PARD3B: variants seen among roughly 807,000 people sequenced by gnomAD.
PARD3B encodes the protein par-3 family cell polarity regulator beta.
PARD3B carries 103 observed loss-of-function variants against 130.2 expected under a neutral mutation model. That is an observed-to-expected ratio of 0.79 (90% confidence interval 0.67 to 0.93). The LOEUF is 0.93. Ranked by LOEUF, PARD3B falls within the 40% of genes least tolerant of loss-of-function variation. PARD3B has a pLI of 0.00. For missense variants in PARD3B, 1,609 were observed against 1,499.2 expected, an observed-to-expected ratio of 1.07 and a Z score of -1.21; for synonymous variants, 583 against 553.2, an observed-to-expected ratio of 1.05 and a Z score of -0.76.
intron 16 of PARD3B, among the ~76,000 whole-genome samples, chr2:205,296,926 A>G (rs2041819751): frequency 6.6e-6 from 1 of 151,750 alleles, no homozygotes; most frequent in Non-Finnish European, 1.5e-5. Context: ...CAATTTTAAG[A>G]GAAAATTTGG....
chr2:204,927,899 A>C (rs1279483600), intron 2 of PARD3B, among the ~76,000 whole-genome samples: 1 of 152,158 alleles, frequency 6.6e-6, no homozygotes, highest in Admixed American at 6.5e-5. Flanking sequence ...ATATATGTAT[A>C]CTTTGTAATT....
At chr2:205,487,328 T>G (rs1437142492) in intron 20 of PARD3B, among the ~76,000 whole-genome samples, 5 of 152,190 alleles carry the variant, frequency 3.3e-5, no homozygotes, top group Non-Finnish European at 5.9e-5. Context: ...TACCCTCCAT[T>G]GGGGAAGAAA....
In PARD3B at chr2:205,461,760, C is replaced by T. The variant is rs1012190722; in HGVS notation, c.3044+21088C>T. 3.9e-5 allele frequency among the ~76,000 whole-genome samples: 6 copies of T among 152,072 alleles called. No homozygotes were observed. The highest frequency in any genetic ancestry group is 1.4e-4 in the African/African-American group (6 of 41,410). On this transcript the variant is annotated intron_variant, in intron 20 of 22. Transcript: ENST00000406610. The surrounding 1 kb of genome is among the most constrained non-coding windows in gnomAD (Gnocchi z 4.3). ...GATTCAATAGGTCTGGGGTGGGACC[C>T]TACAATTTGCATTTCTAACAAGCTG... is the stretch of plus-strand genomic sequence containing the variant.
At chr2:205,327,908 C>A (rs563660826) in intron 18 of PARD3B, among the ~76,000 whole-genome samples, 1 of 152,220 alleles carries the variant, frequency 6.6e-6, no homozygotes, top group Non-Finnish European at 1.5e-5. Flanking sequence ...CTAAGTTGAT[C>A]CTTCCAGGGT....
At chr2:204,587,719 A>G (rs902520400) in intron 1 of PARD3B, among the ~76,000 whole-genome samples, 2 of 152,150 alleles carry the variant, frequency 1.3e-5, no homozygotes, top group African/African-American at 4.8e-5. Context: ...ATCCCCTGAT[A>G]TGATTTGGCT....
In PARD3B at chr2:204,930,034, T is replaced by A. The variant is rs968327655; in HGVS notation, c.223-35118T>A. Among the ~76,000 whole-genome samples, 15 of 152,092 alleles carry A rather than the reference T, an allele frequency of 9.9e-5. No individual in the cohort carries two copies. In the East Asian group the frequency reaches 1.5e-3, roughly 16 times the overall value. On this transcript the variant is annotated intron_variant, in intron 2 of 22. Coordinates refer to ENST00000406610, the MANE Select transcript of PARD3B (RefSeq NM_001302769.2). Reference sequence around the variant, plus strand: ...AAGCCCAACTATTTTATTATTTTTTTAATAATAATTCTGTATCTTCTTGAT... The same window carrying A: ...AAGCCCAACTATTTTATTATTTTTTAAATAATAATTCTGTATCTTCTTGAT...
At chr2:205,598,668 C>A (rs114335445) in intron 22 of PARD3B, among the ~76,000 whole-genome samples, 2,009 of 152,306 alleles carry the variant, frequency 0.013, 28 homozygotes, top group Non-Finnish European at 0.018. Context: ...AATATGCATT[C>A]TTCTCATCTG....
chr2:205,588,772 G>A (rs2054284776), intron 22 of PARD3B, among the ~76,000 whole-genome samples: 1 of 152,076 alleles, frequency 6.6e-6, no homozygotes, highest in South Asian at 2.1e-4. Flanking sequence ...CTTCATCTGG[G>A]CTTTACTTGC....
intron 2 of PARD3B, among the ~76,000 whole-genome samples, chr2:204,823,110 GA>G: frequency 6.6e-6 from 1 of 152,204 alleles, no homozygotes; most frequent in Admixed American, 6.5e-5. Flanking sequence ...GGGTCTTGCA[GA>G]TTTGTTATAG....
intron 22 of PARD3B, among the ~76,000 whole-genome samples, chr2:205,565,503 A>G (rs2106531533): frequency 6.6e-6 from 1 of 152,312 alleles, no homozygotes; most frequent in South Asian, 2.1e-4. Flanking sequence ...TGGATGTGGT[A>G]TCTGTAATGT....
chr2:205,113,656 A>G (rs375822454), intron 6 of PARD3B, 79 bp downstream of exon 6: 1 of 1,051,008 alleles, frequency 9.5e-7, no homozygotes. Context: ...TATTTTTCAC[A>G]AGGAGATTAA....
At chr2:205,016,244 A>G (rs1396305117) in intron 3 of PARD3B, among the ~76,000 whole-genome samples, 1 of 152,196 alleles carries the variant, frequency 6.6e-6, no homozygotes, top group Non-Finnish European at 1.5e-5. Flanking sequence ...GGGAACTGTA[A>G]TGGCCTCCTC....
intron 1 of PARD3B, among the ~76,000 whole-genome samples, chr2:204,591,475 G>C (rs982038785): frequency 6.6e-6 from 1 of 152,198 alleles, no homozygotes. Context: ...ATTCAAATAT[G>C]AATGCCCAGT....
intron 20 of PARD3B, among the ~76,000 whole-genome samples, chr2:205,469,988 T>A (rs992263945): frequency 6.6e-6 from 1 of 152,192 alleles, no homozygotes; most frequent in African/African-American, 2.4e-5. Context: ...GAATCCTGGA[T>A]CATGCATTTT....
At chr2:205,459,236 G>A (rs2048370229) in intron 20 of PARD3B, among the ~76,000 whole-genome samples, 1 of 152,190 alleles carries the variant, frequency 6.6e-6, no homozygotes, top group South Asian at 2.1e-4. Context: ...TTTAGAATCA[G>A]TCTTGGCCTC....
intron 2 of PARD3B, among the ~76,000 whole-genome samples, chr2:204,874,519 T>G (rs75524595): frequency 0.018 from 2,724 of 152,250 alleles, 54 homozygotes; most frequent in East Asian, 0.11. Flanking sequence ...TATTTCTTAG[T>G]TTTTAAAAGA....
chr2:205,501,343 C>T (rs2110948), intron 21 of PARD3B, among the ~76,000 whole-genome samples: 66,200 of 151,946 alleles, frequency 0.44, 15,149 homozygotes, highest in South Asian at 0.6. Flanking sequence ...ATTTATTGGT[C>T]TTATTATAGA....
At position 204,998,358 on chromosome 2, in the gene PARD3B, A is replaced by ACATATATATATATATATATATG. The variant is rs1694463623; in HGVS notation, c.394+33035_394+33036insCATATATATATATATATATATG. Among the ~76,000 whole-genome samples, 8 of 69,832 alleles carry ACATATATATATATATATATATG rather than the reference A, an allele frequency of 1.1e-4. 2 individuals are homozygous for ACATATATATATATATATATATG. In the East Asian group the frequency reaches 1.5e-3, roughly 13 times the overall value. The allele number at this position is 69,832 out of a possible 152,430, so 45.8% of individuals were successfully genotyped here. A position where few individuals can be genotyped will look rare whatever the true frequency, so the allele number is the denominator to read the frequency against. Reference sequence around the variant, plus strand: ...TATATATATATATATATATATATATATGTGTGTGTGTGTGTGTATATATGT... The same window carrying ACATATATATATATATATATATG: ...TATATATATATATATATATATATATACATATATATATATATATATATGTGTGTGTGTGTGTGTGTATATATGT... On this transcript the variant is annotated intron_variant, in intron 3 of 22. Transcript: ENST00000406610.
At chr2:204,730,756 C>T (rs1005039053) in intron 2 of PARD3B, among the ~76,000 whole-genome samples, 7 of 152,130 alleles carry the variant, frequency 4.6e-5, no homozygotes, top group Admixed American at 1.3e-4. Context: ...GTTTGGATTG[C>T]GCACCTTTGG....
Sources: allele counts gnomAD v4.1 joint callset (sites outside exome capture counted in the v4.1 genomes callset), GRCh38; gene constraint gnomAD v4.1.1; non-coding constraint Gnocchi (gnomAD v3.1); transcripts MANE v1.5; gene names NCBI Gene and HGNC (gene_info 2026-07-23, HGNC 2026-07-21).